The following ARHGAP11B variants were observed in gnomAD, a reference collection of about 807,000 sequenced individuals.
ARHGAP11B encodes the protein Rho GTPase activating protein 11B, also known as inactive Rho GTPase-activating protein 11B.
A neutral mutation model predicts 27.6 loss-of-function variants in ARHGAP11B; 14 were observed. The ratio of observed to expected loss-of-function variants is 0.51; its 90% confidence interval spans 0.34 to 0.79. ARHGAP11B has a LOEUF of 0.79. Ranked by LOEUF, ARHGAP11B falls within the 30% of genes least tolerant of loss-of-function variation. ARHGAP11B has a pLI of 0.02. For synonymous variants in ARHGAP11B, 82 were observed against 114.1 expected (o/e 0.72, Z 1.80); for missense variants, 245 against 320.1 (o/e 0.77, Z 1.79).
exon 11 of ARHGAP11B, chr15:30,648,665 G>A (rs2060367076): frequency 6.6e-6 from 1 of 151,998 alleles, no homozygotes; most frequent in Non-Finnish European, 1.5e-5. Context: ...CAATGGGGTT[G>A]GGGTTGTAGA....
At chr15:30,626,903 G>A in exon 1 of ARHGAP11B, 1 of 1,613,492 alleles carries the variant, frequency 6.2e-7, no homozygotes, top group South Asian at 1.1e-5. Flanking sequence ...GGTGTCCGTG[G>A]GCAGTGCGAT....
intron 6 of ARHGAP11B, among the ~76,000 whole-genome samples, chr15:30,638,191 G>A (rs961228834): frequency 6.6e-6 from 1 of 151,456 alleles, no homozygotes; most frequent in Admixed American, 6.6e-5. Flanking sequence ...ATTTTAATTG[G>A]TAATAGGGAT....
At chr15:30,632,514 C>G (rs2060252385) in intron 2 of ARHGAP11B, among the ~76,000 whole-genome samples, 1 of 151,688 alleles carries the variant, frequency 6.6e-6, no homozygotes, top group Non-Finnish European at 1.5e-5. Flanking sequence ...AATTTCATGA[C>G]CTACTTTTTA....
exon 1 of ARHGAP11B, chr15:30,626,916 C>T: frequency 1.9e-6 from 3 of 1,613,284 alleles, no homozygotes; most frequent in African/African-American, 1.3e-5. Context: ...AGTGCGATCG[C>T]AGGAGACATG....
intron 7 of ARHGAP11B, among the ~76,000 whole-genome samples, chr15:30,644,228 TC>T (rs1189427147): frequency 1.1e-4 from 17 of 152,224 alleles, no homozygotes; most frequent in African/African-American, 3.6e-4. Context: ...TGTCTCATCT[TC>T]CCAACCAGAA....
chr15:30,633,527 A>G, exon 3 of ARHGAP11B: 1 of 1,613,456 alleles, frequency 6.2e-7, no homozygotes, highest in Non-Finnish European at 8.5e-7. Context: ...AGAAGAACAT[A>G]TTCATACCGA....
intron 1 of ARHGAP11B, 91 bp downstream of exon 1, chr15:30,627,040 G>C (rs760367046): frequency 3.9e-6 from 6 of 1,556,200 alleles, no homozygotes; most frequent in Non-Finnish European, 5.2e-6. Flanking sequence ...TGTTCACTCT[G>C]TGTATCAAAA....
At chr15:30,641,087 T>G in intron 7 of ARHGAP11B, among the ~76,000 whole-genome samples, 1 of 151,970 alleles carries the variant, frequency 6.6e-6, no homozygotes, top group East Asian at 1.9e-4. Context: ...TCTTGTTCTA[T>G]TTTTAGTTTG....
chr15:30,648,069 G>T (rs1463832012), intron 10 of ARHGAP11B, among the ~76,000 whole-genome samples: 2 of 151,930 alleles, frequency 1.3e-5, no homozygotes, highest in Non-Finnish European at 2.9e-5. Flanking sequence ...AAAGTGTTAG[G>T]ATTACAGGAG....
intron 9 of ARHGAP11B, among the ~76,000 whole-genome samples, chr15:30,647,260 G>A (rs2128873): frequency 0.5 from 76,361 of 151,602 alleles, 20,189 homozygotes; most frequent in African/African-American, 0.55. Context: ...GTTTAGCATC[G>A]ATTGGCAGAG....
intron 1 of ARHGAP11B, among the ~76,000 whole-genome samples, chr15:30,628,986 A>T (rs1176418790): frequency 6.6e-6 from 1 of 152,090 alleles, no homozygotes; most frequent in Admixed American, 6.6e-5. Flanking sequence ...CACAGTATCA[A>T]GAAAATTCTG....
intron 7 of ARHGAP11B, among the ~76,000 whole-genome samples, chr15:30,640,120 T>C (rs1394934387): frequency 7.2e-6 from 1 of 139,314 alleles, no homozygotes; most frequent in Non-Finnish European, 1.6e-5. Context: ...TGAATCCTGC[T>C]ATAGTTACAT....
intron 4 of ARHGAP11B, 97 bp from the exon 5 acceptor site, chr15:30,634,983 C>T: frequency 7.2e-7 from 1 of 1,388,786 alleles, no homozygotes; most frequent in Non-Finnish European, 1.0e-6. Flanking sequence ...TTGTGTATGA[C>T]TGATAATAAA....
At chr15:30,646,905 G>T (rs911375118) in intron 9 of ARHGAP11B, among the ~76,000 whole-genome samples, 1 of 151,326 alleles carries the variant, frequency 6.6e-6, no homozygotes, top group African/African-American at 2.4e-5. Context: ...GGAGCCAGAG[G>T]TTGCAGTGAG....
Position 30,631,787 on chromosome 15 carries a change from C to CTTTTTTTTTTTTTTTTTTT in ARHGAP11B, c.200+1030_200+1031insTTTTTTTTTTTTTTTTTTT, listed in dbSNP as rs765025486. Among the ~76,000 whole-genome samples, 2 of 139,676 alleles carry CTTTTTTTTTTTTTTTTTTT rather than the reference C, an allele frequency of 1.4e-5. 1 individual carries two copies. The highest frequency in any genetic ancestry group is 3.2e-5 in the Non-Finnish European group (2 of 63,446). The allele number at this position is 139,676 out of a possible 152,430, so 91.6% of individuals were successfully genotyped here. A position where few individuals can be genotyped will look rare whatever the true frequency, so the allele number is the denominator to read the frequency against. On this transcript the variant is annotated intron_variant, in intron 2 of 10. Transcript: ENST00000428041. ...TACTATTTATAAATAACCTTTTGTT[C>CTTTTTTTTTTTTTTTTTTT]TTTTTTTTTTTTTTTTGAGACAGAG...
chr15:30,626,895 T>C (rs1216006653), exon 1 of ARHGAP11B: 1 of 1,613,186 alleles, frequency 6.2e-7, no homozygotes, highest in Admixed American at 1.7e-5. Flanking sequence ...AGGTGAAGGG[T>C]GTCCGTGGGC....
intron 1 of ARHGAP11B, among the ~76,000 whole-genome samples, chr15:30,630,280 G>A (rs1055082101): frequency 2.4e-4 from 37 of 152,010 alleles, no homozygotes; most frequent in Non-Finnish European, 4.6e-4. Context: ...AGTCTTTTGT[G>A]TAAGTATTTA....
chr15:30,628,707 T>C (rs1199990742), intron 1 of ARHGAP11B, among the ~76,000 whole-genome samples: 1 of 152,102 alleles, frequency 6.6e-6, no homozygotes, highest in Non-Finnish European at 1.5e-5. Flanking sequence ...AATATTCTAA[T>C]GAAGAAATGT....
At chr15:30,629,028 C>G (rs1017339885) in intron 1 of ARHGAP11B, among the ~76,000 whole-genome samples, 1 of 152,090 alleles carries the variant, frequency 6.6e-6, no homozygotes, top group East Asian at 1.9e-4. Context: ...CCCATACTAA[C>G]ATTTTTTTAA....
Sources: allele counts gnomAD v4.1 joint callset (sites outside exome capture counted in the v4.1 genomes callset), GRCh38; gene constraint gnomAD v4.1.1; transcripts MANE v1.5; gene names NCBI Gene and HGNC (gene_info 2026-07-23, HGNC 2026-07-21).